The following WDR7 variants were observed in gnomAD, a reference collection of about 807,000 sequenced individuals.
WDR7 encodes WD repeat-containing protein 7.
Under a neutral mutation model 169.4 loss-of-function variants are expected in WDR7, and 46 were observed. The ratio of observed to expected loss-of-function variants is 0.27; its 90% confidence interval spans 0.21 to 0.35. The LOEUF is 0.35. Among genes scored for constraint, WDR7 ranks in the 10% least tolerant of loss-of-function variants. WDR7 has a pLI of 1.00. For synonymous variants in WDR7, 612 were observed against 666.8 expected, an observed-to-expected ratio of 0.92 and a Z score of 1.27; for missense variants, 1,534 against 1,859.3, an observed-to-expected ratio of 0.83 and a Z score of 3.22.
At chr18:56,801,564 C>T (rs1040889844) in intron 19 of WDR7, among the ~76,000 whole-genome samples, 2 of 152,164 alleles carry the variant, frequency 1.3e-5, no homozygotes, top group Non-Finnish European at 2.9e-5. Context: ...CCATACAGAA[C>T]GTTTGTAGCA....
intron 26 of WDR7, among the ~76,000 whole-genome samples, chr18:56,993,498 G>A (rs1043980354): frequency 1.3e-5 from 2 of 152,072 alleles, no homozygotes; most frequent in African/African-American, 2.4e-5. Flanking sequence ...TTTTATTATC[G>A]TAAAAAGTGT....
At chr18:56,796,470 G>A (rs547835960) in intron 19 of WDR7, among the ~76,000 whole-genome samples, 2 of 152,266 alleles carry the variant, frequency 1.3e-5, no homozygotes, top group East Asian at 3.9e-4. Context: ...GTCATGTTTA[G>A]AAAACTCTAC....
chr18:56,700,776 A>G (rs1328035814), intron 12 of WDR7, among the ~76,000 whole-genome samples: 64 of 140,932 alleles, frequency 4.5e-4, no homozygotes, highest in South Asian at 2.1e-3. Context: ...TCACCGTGTT[A>G]GCCAGGATGG....
intron 21 of WDR7, among the ~76,000 whole-genome samples, chr18:56,893,891 A>C (rs1251147846): frequency 6.6e-6 from 1 of 152,052 alleles, no homozygotes; most frequent in East Asian, 1.9e-4. Flanking sequence ...TTCCTAAAAA[A>C]TTGACAAAAC....
intron 20 of WDR7, among the ~76,000 whole-genome samples, chr18:56,854,496 C>T (rs2045688714): frequency 6.6e-6 from 1 of 152,202 alleles, no homozygotes; most frequent in South Asian, 2.1e-4. Context: ...GCTCTCCATA[C>T]CCCGTCCTCC....
At chr18:56,924,960 G>A (rs1199859327) in intron 22 of WDR7, among the ~76,000 whole-genome samples, 1 of 152,064 alleles carries the variant, frequency 6.6e-6, no homozygotes, top group Non-Finnish European at 1.5e-5. Context: ...AACAGGCCCT[G>A]GCAACCATTA....
At chr18:56,736,257 T>A (rs1038285600) in intron 14 of WDR7, among the ~76,000 whole-genome samples, 4 of 152,180 alleles carry the variant, frequency 2.6e-5, no homozygotes, top group African/African-American at 9.7e-5. Context: ...GCCAACTGAC[T>A]CTTTTTAAAA....
intron 27 of WDR7, among the ~76,000 whole-genome samples, chr18:57,024,084 A>T (rs891241496): frequency 2.6e-5 from 4 of 152,162 alleles, no homozygotes; most frequent in Non-Finnish European, 4.4e-5. Context: ...AAGGTTGTTT[A>T]CCAAAATTTT....
chr18:56,651,753 C>T (rs1244238242), intron 1 of WDR7, 177 bp downstream of exon 1: 1 of 152,390 alleles, frequency 6.6e-6, no homozygotes, highest in Non-Finnish European at 1.5e-5. Flanking sequence ...GCGCCGTTAC[C>T]AAGAGCGTGG....
chr18:56,752,939 G>C (rs764529911), intron 14 of WDR7, among the ~76,000 whole-genome samples: 4 of 152,196 alleles, frequency 2.6e-5, no homozygotes, highest in African/African-American at 9.7e-5. Context: ...AAACTACTTG[G>C]TTCTGAAAGT....
chr18:56,922,800 T>G (rs1017575612), intron 21 of WDR7, among the ~76,000 whole-genome samples: 1 of 152,218 alleles, frequency 6.6e-6, no homozygotes, highest in African/African-American at 2.4e-5. Flanking sequence ...TTCCTTTCCA[T>G]TTCAATCCAT....
intron 14 of WDR7, among the ~76,000 whole-genome samples, chr18:56,747,325 AATAG>A (rs2043720309): frequency 6.6e-6 from 1 of 152,188 alleles, no homozygotes; most frequent in African/African-American, 2.4e-5. Flanking sequence ...AAATTGGTAT[AATAG>A]GGTTGTAATG....
At position 56,717,947 on chromosome 18, in the gene WDR7, T is replaced by C; in HGVS notation, c.1579-17T>C. 1 of 1,566,240 alleles carries C rather than the reference T, an allele frequency of 6.4e-7. No homozygotes were observed. Among genetic ancestry groups the C allele is most frequent in the Non-Finnish European group, 8.6e-7 (1 of 1,157,842 alleles). ...AAATTTAATTTAAACACAATTAAGG[T>C]TTATTCTTCTTTTCAGGCAAGAGTA... On this transcript the variant is annotated splice_polypyrimidine_tract_variant and intron_variant, in intron 12 of 27. Coordinates refer to ENST00000254442, the MANE Select transcript of WDR7 (RefSeq NM_015285.3).
chr18:56,818,942 A>T (rs1039621290), intron 20 of WDR7, among the ~76,000 whole-genome samples: 3 of 152,162 alleles, frequency 2.0e-5, no homozygotes, highest in Admixed American at 6.5e-5. Context: ...ATTTTCAGGG[A>T]ATTCTTATTT....
At chr18:56,690,684 T>C (rs2025546892) in intron 7 of WDR7, among the ~76,000 whole-genome samples, 1 of 152,018 alleles carries the variant, frequency 6.6e-6, no homozygotes, top group Non-Finnish European at 1.5e-5. Context: ...TAGCAGGGCA[T>C]GGTGGCATGC....
intron 20 of WDR7, among the ~76,000 whole-genome samples, chr18:56,842,741 T>C (rs2045505547): frequency 6.6e-6 from 1 of 152,214 alleles, no homozygotes; most frequent in Non-Finnish European, 1.5e-5. Flanking sequence ...CATAGGAAAC[T>C]ACTAAATTAC....
intron 16 of WDR7, among the ~76,000 whole-genome samples, chr18:56,771,430 G>C (rs1315585311): frequency 2.0e-5 from 3 of 152,006 alleles, no homozygotes; most frequent in Non-Finnish European, 4.4e-5. Flanking sequence ...TCTTAAAAAT[G>C]TGTAGGAAAG....
rs17750420 is a variant in WDR7, at chr18:56,836,651, C to T, written c.3304+20507C>T. 8.5e-3 allele frequency among the ~76,000 whole-genome samples: 1,297 copies of T among 152,034 alleles called. 11 individuals are homozygous for T. The highest frequency in any genetic ancestry group is 0.014 in the Middle Eastern group (4 of 294). On this transcript the variant is annotated intron_variant, in intron 20 of 27. Transcript: ENST00000254442. Reference sequence around the variant, plus strand: ...TCTTGCGTCTATTTTCATCTATTTTCCATAAAATTATCAATAAAAGAAGAT... The same window carrying T: ...TCTTGCGTCTATTTTCATCTATTTTTCATAAAATTATCAATAAAAGAAGAT...
At chr18:56,814,001 G>T (rs1462640195) in intron 19 of WDR7, among the ~76,000 whole-genome samples, 1 of 152,160 alleles carries the variant, frequency 6.6e-6, no homozygotes, top group Non-Finnish European at 1.5e-5. Flanking sequence ...AGGTTATGCT[G>T]TGATGTTCTG....
Sources: gnomAD v4.1 joint callset for allele counts (sites outside exome capture counted in the v4.1 genomes callset) on GRCh38, gnomAD v4.1.1 for gene constraint, MANE v1.5 for transcripts, NCBI Gene and HGNC (gene_info 2026-07-23, HGNC 2026-07-21) for gene names.